Variants in IKBKB observed in about 807,000 individuals in gnomAD.
IKBKB encodes inhibitor of nuclear factor kappa-B kinase subunit beta.
In IKBKB, 42 loss-of-function variants were observed where a neutral mutation model predicts 113.6. The observed-to-expected ratio is 0.37, with a 90% CI of 0.29 to 0.48. The LOEUF (loss-of-function observed/expected upper bound fraction) is 0.48, where lower values mean the gene tolerates loss of function less well. Among genes scored for constraint, IKBKB ranks in the 20% least tolerant of loss-of-function variants. The probability of loss-of-function intolerance (pLI) is 0.99; values close to 1 mark genes in which losing one functional copy is unlikely to be tolerated. For missense variants in IKBKB, 673 were observed against 939.7 expected (o/e 0.72, Z 3.71); for synonymous variants, 296 against 361.3 (o/e 0.82, Z 2.05).
rs975646254 is a variant in IKBKB at position 42,288,340 on chromosome 8, T to C, written c.106-294T>C. ...AGGTGGAGTTTGCAGTGAGCTGAGATTGTGCCAGTGCACTTCAGCTTGGGC... is the reference window on the plus strand; with the variant it reads ...AGGTGGAGTTTGCAGTGAGCTGAGACTGTGCCAGTGCACTTCAGCTTGGGC... On this transcript the variant is annotated intron_variant, in intron 2 of 21. Transcript: ENST00000520810. 1.8e-4 allele frequency among the ~76,000 whole-genome samples: 27 copies of C among 151,354 alleles called. 1 individual carries two copies. Among genetic ancestry groups the C allele is most frequent in the African/African-American group, 6.3e-4 (26 of 41,128 alleles).
At chr8:42,317,113 A>G in intron 11 of IKBKB, 1 of 645,170 alleles carries the variant, frequency 1.5e-6, no homozygotes, top group East Asian at 2.8e-5. Flanking sequence ...GTTACTTCCA[A>G]ACCCTCCAAG....
intron 5 of IKBKB, among the ~76,000 whole-genome samples, chr8:42,301,795 G>A (rs898765710): frequency 6.6e-6 from 1 of 152,142 alleles, no homozygotes; most frequent in Non-Finnish European, 1.5e-5. Flanking sequence ...CGTAGAGAGC[G>A]GTGCCTTTGG....
chr8:42,271,346 C>T lies in IKBKB; in HGVS notation c.-142C>T. ...TGTTTGAGGAAGTCGCGCCGCGCTGCCCGCGTTAAGATTCCCGCATTTTAA... is the reference window on the plus strand; with the variant it reads ...TGTTTGAGGAAGTCGCGCCGCGCTGTCCGCGTTAAGATTCCCGCATTTTAA... On this transcript the variant is annotated 5_prime_UTR_variant, in exon 1 of 22. Transcript: ENST00000520810. 7.7e-7 allele frequency: 1 copy of T among 1,305,238 alleles called. No individual in the cohort carries two copies. Among genetic ancestry groups the T allele is most frequent in the Non-Finnish European group, 1.1e-6 (1 of 936,874 alleles). The allele number at this position is 1,305,238 out of a possible 1,614,324, so 80.9% of individuals were successfully genotyped here.
intron 4 of IKBKB, among the ~76,000 whole-genome samples, chr8:42,290,576 C>T (rs990860370): frequency 6.6e-6 from 1 of 152,196 alleles, no homozygotes; most frequent in African/African-American, 2.4e-5. Flanking sequence ...AAGGACTGGG[C>T]AAGTTCCAAA....
At chr8:42,289,107 C>A (rs577321452) in intron 3 of IKBKB, among the ~76,000 whole-genome samples, 4 of 152,084 alleles carry the variant, frequency 2.6e-5, no homozygotes, top group Non-Finnish European at 5.9e-5. Flanking sequence ...CTCAGCCGCT[C>A]GGGTGGCTGA....
rs1820671083 is a variant in IKBKB, at chr8:42,326,021, C to T, written c.2038C>T (p.Arg680Ter). The T allele has an allele frequency of 1.9e-6, 3 of 1,614,220 alleles. No individual in the cohort carries two copies. The highest frequency in any genetic ancestry group is 2.5e-6 in the Non-Finnish European group (3 of 1,180,032). The change falls in exon 20 of 22, where the codon CGA becomes TGA. Residue 680 changes from arginine to a stop codon, truncating the protein, a stop_gained. Coordinates refer to ENST00000520810, the MANE Select transcript of IKBKB (RefSeq NM_001556.3). LOFTEE classifies it high-confidence loss of function. Reference sequence around the variant, plus strand: ...AAGCCCGGATAGCATGAATGCCTCTCGACTTAGCCAGCCTGGGCAGCTGAT... The same window carrying T: ...AAGCCCGGATAGCATGAATGCCTCTTGACTTAGCCAGCCTGGGCAGCTGAT... ...SGSPDSMNAS[R>*]LSQPGQLMSQ...
At chr8:42,293,645 C>A in intron 5 of IKBKB, 133 bp downstream of exon 5, 1 of 1,505,808 alleles carries the variant, frequency 6.6e-7, no homozygotes, top group Non-Finnish European at 9.0e-7. Context: ...AGCCCAGGGA[C>A]GGGGGACCCT....
chr8:42,310,307 G>A lies in IKBKB; in HGVS notation c.692+1282G>A, dbSNP rs564393612. On this transcript the variant is annotated intron_variant, in intron 8 of 21. Coordinates refer to ENST00000520810, the MANE Select transcript of IKBKB (RefSeq NM_001556.3). The stretch of plus-strand genomic sequence containing the variant: ...TTCCAGAAGAATAAGGGAGTATGCA[G>A]TGAAGTCATACCAGCCTCCCAGGCC... Among the ~76,000 whole-genome samples, 43 of 152,264 alleles carry A rather than the reference G, an allele frequency of 2.8e-4. 1 individual carries two copies. The South Asian group carries it at 8.7e-3, about 31-fold the overall frequency.
At position 42,290,154 on chromosome 8, in the gene IKBKB, A is replaced by C; in HGVS notation, c.201-2A>C. ...TGCTCTCATCGGTTTTCCTCCTCCT[A>C]GGCTGACCCACCCCAATGTGGTGGC... is the stretch of plus-strand genomic sequence containing the variant. On this transcript the variant is annotated splice_acceptor_variant, in intron 3 of 21. Coordinates refer to ENST00000520810, the MANE Select transcript of IKBKB (RefSeq NM_001556.3). LOFTEE classifies it high-confidence loss of function. The C allele has an allele frequency of 6.2e-7, 1 of 1,611,634 alleles. No individual in the cohort carries two copies. The highest frequency in any genetic ancestry group is 8.5e-7 in the Non-Finnish European group (1 of 1,178,272).
At chr8:42,274,784 G>GCCACCCCCCCCCCCCC (rs1563290444) in intron 2 of IKBKB, among the ~76,000 whole-genome samples, 1 of 41,648 alleles carries the variant, frequency 2.4e-5, no homozygotes, top group Non-Finnish European at 9.5e-5. Context: ...CCCCGCCGGC[G>GCCACCCCCCCCCCCCC]CGCCCCCCCC....
At chr8:42,323,594 C>T (rs1820177584) in intron 19 of IKBKB, among the ~76,000 whole-genome samples, 1 of 152,124 alleles carries the variant, frequency 6.6e-6, no homozygotes, top group Non-Finnish European at 1.5e-5. Flanking sequence ...GATGGTTGCT[C>T]ATGGTGGAAG....
intron 7 of IKBKB, among the ~76,000 whole-genome samples, chr8:42,307,734 A>G (rs17875705): frequency 0.012 from 1,804 of 152,262 alleles, 49 homozygotes; most frequent in African/African-American, 0.042. Context: ...GCAGTCGAGC[A>G]AGGGGGACCC....
At chr8:42,274,273 G>T (rs774263916) in intron 2 of IKBKB, among the ~76,000 whole-genome samples, 26 of 152,038 alleles carry the variant, frequency 1.7e-4, no homozygotes, top group Middle Eastern at 3.2e-3. Flanking sequence ...CAGGTGATCT[G>T]CCCACCTCAG....
Position 42,330,953 on chromosome 8 carries a change from C to T in IKBKB, c.2245C>T (p.His749Tyr). The part of the protein sequence containing the change: ...WSWLQTEEEE[H>Y]SCLEQAS Reference sequence around the variant, plus strand: ...CTGGTTACAGACGGAAGAAGAAGAGCACAGCTGCCTGGAGCAGGCCTCATG... The same window carrying T: ...CTGGTTACAGACGGAAGAAGAAGAGTACAGCTGCCTGGAGCAGGCCTCATG... The change falls in exon 22 of 22, where the codon CAC (histidine) becomes TAC (tyrosine). Residue 749 changes from histidine to tyrosine, a missense_variant. Physicochemically the swap from His to Tyr is moderately conservative, Grantham distance 83. Transcript: ENST00000520810. The T allele has an allele frequency of 1.2e-6, 2 of 1,614,224 alleles. 1 individual carries two copies. Among genetic ancestry groups the T allele is most frequent in the South Asian group, 2.2e-5 (2 of 91,088 alleles).
At position 42,271,335 on chromosome 8, in the gene IKBKB, G is replaced by A. The variant is rs372049070; in HGVS notation, c.-153G>A. 1.3e-4 allele frequency: 145 copies of A among 1,158,400 alleles called. 2 individuals are homozygous for A. In the East Asian group the frequency reaches 1.6e-3, roughly 12 times the overall value. The allele number at this position is 1,158,400 out of a possible 1,614,324, so 71.8% of individuals were successfully genotyped here. On this transcript the variant is annotated 5_prime_UTR_variant, in exon 1 of 22. Transcript: ENST00000520810. Reference sequence around the variant, plus strand: ...AGAGCAGGAAGTGTTTGAGGAAGTCGCGCCGCGCTGCCCGCGTTAAGATTC... The same window carrying A: ...AGAGCAGGAAGTGTTTGAGGAAGTCACGCCGCGCTGCCCGCGTTAAGATTC...
Position 42,316,619 on chromosome 8 carries a change from T to C in IKBKB, c.931-91T>C. On this transcript the variant is annotated intron_variant, in intron 10 of 21. Transcript: ENST00000520810. The surrounding 1 kb of genome is among the most constrained non-coding windows in gnomAD (Gnocchi z 4.5). ...GCCCTTGCTTTGTGTGGTTGGGAAA[T>C]GTTGGGAGTAGCAGAGAGAGGACCT... The C allele has an allele frequency of 8.1e-7, 1 of 1,240,702 alleles. No homozygotes were observed. Among genetic ancestry groups the C allele is most frequent in the Non-Finnish European group, 1.1e-6 (1 of 894,058 alleles). The allele number at this position is 1,240,702 out of a possible 1,614,324, so 76.9% of individuals were successfully genotyped here.
At position 42,322,419 on chromosome 8, in the gene IKBKB, T is replaced by A. The variant is rs760029302; in HGVS notation, c.1911T>A (p.Asn637Lys). 3.1e-6 allele frequency: 5 copies of A among 1,613,840 alleles called. No homozygotes were observed. Among genetic ancestry groups the A allele is most frequent in the Non-Finnish European group, 4.2e-6 (5 of 1,179,978 alleles). Residue 637 changes from asparagine (N) to lysine (K), a missense_variant, in exon 19 of 22, where the codon AAT becomes AAA. By Grantham distance (94) the Asn-to-Lys change is moderately conservative. Transcript: ENST00000520810. ...PKVEEVVSLMNEDEKTVVRLQ... is the reference protein window; with the variant it reads ...PKVEEVVSLMKEDEKTVVRLQ... ...TGGAAGAGGTGGTGAGCTTAATGAATGAGGATGAGAAGACTGTTGTCCGGC... is the reference window on the plus strand; with the variant it reads ...TGGAAGAGGTGGTGAGCTTAATGAAAGAGGATGAGAAGACTGTTGTCCGGC...
At chr8:42,326,180 T>C in intron 20 of IKBKB, 83 bp downstream of exon 20, 6 of 1,514,958 alleles carry the variant, frequency 4.0e-6, no homozygotes, top group Non-Finnish European at 4.5e-6. Context: ...CACTGGTAAA[T>C]GTCTGTCTGA....
chr8:42,314,718 T>A (rs1049212566), intron 9 of IKBKB, among the ~76,000 whole-genome samples: 3 of 149,936 alleles, frequency 2.0e-5, no homozygotes, highest in African/African-American at 7.4e-5. Flanking sequence ...AAGGTTGCAG[T>A]GAGCTGAGAT....
Sources: gnomAD v4.1 joint callset for allele counts (sites outside exome capture counted in the v4.1 genomes callset) on GRCh38, gnomAD v4.1.1 for gene constraint, Gnocchi (gnomAD v3.1) non-coding constraint, MANE v1.5 for transcripts, NCBI Gene and HGNC (gene_info 2026-07-23, HGNC 2026-07-21) for gene names.